Variants in PTPRD observed in about 807,000 individuals in gnomAD.
The protein encoded by PTPRD is protein tyrosine phosphatase receptor type D, also known as receptor-type tyrosine-protein phosphatase delta.
In PTPRD, 34 loss-of-function variants were observed where a neutral mutation model predicts 214.5. The ratio of observed to expected loss-of-function variants is 0.16; its 90% CI spans 0.12 to 0.21. The LOEUF (loss-of-function observed/expected upper bound fraction) is 0.21, where lower values mean the gene tolerates loss of function less well. Among genes scored for constraint, PTPRD ranks in the 10% least tolerant of loss-of-function variants. PTPRD has a pLI of 1.00. For missense variants in PTPRD, 2,545 were observed against 2,398.7 expected (o/e 1.06, Z -1.27); for synonymous variants, 1,128 against 845.7 (o/e 1.33, Z -5.79).
At position 9,091,217 on chromosome 9, in the gene PTPRD, C is replaced by T. The variant is rs1591459215; in HGVS notation, c.-142-72482G>A. On this transcript the variant is annotated intron_variant, in intron 10 of 45. Coordinates refer to ENST00000381196, the MANE Select transcript of PTPRD (RefSeq NM_002839.4). ...CCCCGATTTAGACCTGCGGGTGCTG[C>T]CCCACGTCCCCCACCAAAGCCCATG... The T allele has an allele frequency of 1.3e-5, 17 of 1,355,612 alleles. No homozygotes were observed. In the Admixed American group the frequency reaches 2.8e-4, roughly 23 times the overall value. 84.0% of individuals were successfully genotyped at this position (1,355,612 alleles called of 1,614,324 possible).
chr9:8,790,913 C>T (rs929432921), intron 11 of PTPRD, among the ~76,000 whole-genome samples: 5 of 152,106 alleles, frequency 3.3e-5, no homozygotes, highest in South Asian at 2.1e-4. Context: ...AGTACTCAAC[C>T]GCCACGTGTG....
At chr9:9,816,340 A>C (rs747453298) in intron 5 of PTPRD, among the ~76,000 whole-genome samples, 27 of 152,214 alleles carry the variant, frequency 1.8e-4, no homozygotes, top group Admixed American at 6.5e-4. Flanking sequence ...ACATTAAAAC[A>C]AACAAAAATC....
intron 38 of PTPRD, 40 bp downstream of exon 38, chr9:8,376,567 T>A: frequency 1.2e-6 from 2 of 1,611,244 alleles, no homozygotes; most frequent in South Asian, 2.2e-5. Flanking sequence ...CTTTAAACAA[T>A]AGAGAAGGGA....
Position 10,347,647 on chromosome 9 carries a change from G to A in PTPRD, c.-599-6630C>T, listed in dbSNP as rs1438209490. Among the ~76,000 whole-genome samples the A allele has an allele frequency of 7.2e-5, 11 of 151,936 alleles. No individual in the cohort carries two copies. The East Asian group carries it at 2.2e-3, about 30-fold the overall frequency. On this transcript the variant is annotated intron_variant, in intron 2 of 45. Transcript: ENST00000381196. ...GCTAGTCTCGAATTCCCAACCTCAG[G>A]TGACCACCCACCTCAGCCTCCCAAA...
chr9:10,309,792 CA>C lies in PTPRD; in HGVS notation c.-545+31170del, dbSNP rs1042905033. ...ACGATAAATTTGACGTCAATTTAAA[CA>C]AAAAAATTAGAACTATTTTTAAACG... On this transcript the variant is annotated intron_variant, in intron 3 of 45. Transcript: ENST00000381196. Among the ~76,000 whole-genome samples, 60 of 151,866 alleles carry C rather than the reference CA, an allele frequency of 4.0e-4. 1 individual carries two copies. Among genetic ancestry groups the C allele is most frequent in the African/African-American group, 1.4e-3 (58 of 41,458 alleles).
chr9:8,706,963 G>A (rs1333684737), intron 12 of PTPRD, among the ~76,000 whole-genome samples: 1 of 152,142 alleles, frequency 6.6e-6, no homozygotes, highest in Admixed American at 6.5e-5. Context: ...TGAAATGGCA[G>A]TTCTTATGGG....
chr9:10,009,974 C>G (rs1364873846), intron 4 of PTPRD, among the ~76,000 whole-genome samples: 1 of 151,828 alleles, frequency 6.6e-6, no homozygotes, highest in African/African-American at 2.4e-5. Flanking sequence ...TTCTCCCTTC[C>G]CATCATGGCC....
intron 5 of PTPRD, among the ~76,000 whole-genome samples, chr9:9,798,500 C>T (rs2099018295): frequency 6.6e-6 from 1 of 152,126 alleles, no homozygotes; most frequent in South Asian, 2.1e-4. Flanking sequence ...TAAGGACGTT[C>T]CTTTCTTCCA....
intron 9 of PTPRD, among the ~76,000 whole-genome samples, chr9:9,304,585 A>G (rs1280394774): frequency 1.3e-5 from 2 of 151,910 alleles, no homozygotes; most frequent in Non-Finnish European, 2.9e-5. Flanking sequence ...ATTTTATGAT[A>G]ATAAAGTAGC....
intron 14 of PTPRD, among the ~76,000 whole-genome samples, chr9:8,610,972 C>A (rs1173640111): frequency 6.6e-6 from 1 of 152,132 alleles, no homozygotes; most frequent in East Asian, 1.9e-4. Flanking sequence ...CATCAACAAC[C>A]ATTATGGTTT....
chr9:9,053,384 AATGATG>A (rs147341142), intron 10 of PTPRD, among the ~76,000 whole-genome samples: 1 of 151,362 alleles, frequency 6.6e-6, no homozygotes, highest in Admixed American at 6.6e-5. Flanking sequence ...TATGATGGCC[AATGATG>A]ATGATGATGA....
chr9:9,981,412 T>C (rs2095539245), intron 4 of PTPRD, among the ~76,000 whole-genome samples: 1 of 151,006 alleles, frequency 6.6e-6, no homozygotes, highest in African/African-American at 2.4e-5. Context: ...TGGAGTGCAG[T>C]GGCACGATCT....
At chr9:9,168,448 G>C (rs148377171) in intron 10 of PTPRD, among the ~76,000 whole-genome samples, 3,135 of 151,636 alleles carry the variant, frequency 0.021, 124 homozygotes, top group African/African-American at 0.073. Context: ...CATCTTCAAA[G>C]CTACCCTAAT....
chr9:9,439,607 C>G (rs931682800), intron 8 of PTPRD, among the ~76,000 whole-genome samples: 1 of 152,082 alleles, frequency 6.6e-6, no homozygotes, highest in African/African-American at 2.4e-5. Flanking sequence ...GAGGTGCATT[C>G]CATTAAAAGC....
chr9:9,488,723 G>C (rs1309900459), intron 8 of PTPRD, among the ~76,000 whole-genome samples: 3 of 152,116 alleles, frequency 2.0e-5, no homozygotes, highest in African/African-American at 7.2e-5. Context: ...TTTAAGGCTT[G>C]CAACTTCCAG....
intron 2 of PTPRD, among the ~76,000 whole-genome samples, chr9:10,480,369 A>AG (rs1476710513): frequency 6.6e-6 from 1 of 152,188 alleles, no homozygotes; most frequent in Non-Finnish European, 1.5e-5. Context: ...TAGGATTATA[A>AG]GGGGAATGAA....
At chr9:8,726,481 C>T (rs2098558806) in intron 12 of PTPRD, among the ~76,000 whole-genome samples, 1 of 146,610 alleles carries the variant, frequency 6.8e-6, no homozygotes, top group Non-Finnish European at 1.5e-5. Context: ...CCTATAATTC[C>T]AGCACTTTGG....
intron 10 of PTPRD, among the ~76,000 whole-genome samples, chr9:9,083,856 C>G (rs2099762814): frequency 6.6e-6 from 1 of 152,162 alleles, no homozygotes; most frequent in Non-Finnish European, 1.5e-5. Context: ...CAACAAGACA[C>G]CATCTCACAC....
At chr9:9,689,744 C>A (rs1375898272) in intron 7 of PTPRD, among the ~76,000 whole-genome samples, 1 of 151,842 alleles carries the variant, frequency 6.6e-6, no homozygotes, top group African/African-American at 2.4e-5. Flanking sequence ...CAATATTTGT[C>A]TTTTTGTGTT....
Sources: gnomAD v4.1 joint callset for allele counts (sites outside exome capture counted in the v4.1 genomes callset) on GRCh38, gnomAD v4.1.1 for gene constraint, MANE v1.5 for transcripts, NCBI Gene and HGNC (gene_info 2026-07-23, HGNC 2026-07-21) for gene names.